SLC60A2: variants seen among roughly 807,000 people sequenced by gnomAD.
SLC60A2 encodes solute carrier family 60 member 2.
chr6:111,259,737 G>C, the SLC60A2 span: 1 of 1,581,508 alleles, frequency 6.3e-7, no homozygotes, highest in South Asian at 1.2e-5. Flanking sequence ...GGTGAGAGCC[G>C]GGGCTGCAAC....
At chr6:111,266,546 G>C in the SLC60A2 span, 2 of 1,614,104 alleles carry the variant, frequency 1.2e-6, no homozygotes, top group African/African-American at 2.7e-5. Flanking sequence ...CAACTTCAGT[G>C]TATGGGGCTT....
the SLC60A2 span, among the ~76,000 whole-genome samples, chr6:111,277,643 C>T: frequency 6.6e-6 from 1 of 152,122 alleles, no homozygotes; most frequent in African/African-American, 2.4e-5. Flanking sequence ...AGCGGAAGAG[C>T]CAGTAACTCT....
the SLC60A2 span, chr6:111,266,226 CGA>C: frequency 6.2e-7 from 1 of 1,613,988 alleles, no homozygotes; most frequent in Non-Finnish European, 8.5e-7. Context: ...TGAGACATTT[CGA>C]AGAGCAAAAT....
At chr6:111,266,193 C>G in the SLC60A2 span, 1 of 1,612,158 alleles carries the variant, frequency 6.2e-7, no homozygotes, top group Non-Finnish European at 8.5e-7. Context: ...TAGCTCAAAG[C>G]AAGAAAAAGC....
chr6:111,278,579 C>T, the SLC60A2 span: 4 of 152,082 alleles, frequency 2.6e-5, no homozygotes, highest in South Asian at 2.1e-4. Flanking sequence ...GGAAGTCTCA[C>T]GAGATCTTTT....
At chr6:111,267,240 T>C in the SLC60A2 span, 28 of 932,632 alleles carry the variant, frequency 3.0e-5, no homozygotes, top group Admixed American at 8.7e-5. Context: ...GTCCATATTA[T>C]AGCAAATGCT....
chr6:111,272,900 G>A, the SLC60A2 span, among the ~76,000 whole-genome samples: 3 of 144,094 alleles, frequency 2.1e-5, no homozygotes, highest in Non-Finnish European at 3.1e-5. Flanking sequence ...GCACAATTCC[G>A]GCTCACTGCA....
the SLC60A2 span, among the ~76,000 whole-genome samples, chr6:111,272,921 C>T: frequency 1.3e-5 from 2 of 151,756 alleles, no homozygotes; most frequent in Non-Finnish European, 2.9e-5. Flanking sequence ...ACCTCTGTCT[C>T]CTGGGTTCAA....
the SLC60A2 span, among the ~76,000 whole-genome samples, chr6:111,274,383 G>T: frequency 1.3e-5 from 2 of 152,170 alleles, no homozygotes; most frequent in Admixed American, 6.5e-5. Flanking sequence ...CAGTCCATAT[G>T]TGTGTTTACG....
At chr6:111,264,672 C>T in the SLC60A2 span, among the ~76,000 whole-genome samples, 3 of 151,242 alleles carry the variant, frequency 2.0e-5, no homozygotes, top group African/African-American at 7.3e-5. Flanking sequence ...CCTGTAGTCC[C>T]AATTACTCGG....
the SLC60A2 span, among the ~76,000 whole-genome samples, chr6:111,279,352 C>G: frequency 9.2e-4 from 140 of 151,968 alleles, 1 homozygote; most frequent in African/African-American, 3.3e-3. Context: ...AACTTCACCT[C>G]CCGGGTTCAC....
the SLC60A2 span, chr6:111,263,926 C>G: frequency 1.9e-6 from 3 of 1,594,204 alleles, no homozygotes; most frequent in East Asian, 2.2e-5. Context: ...TTCGGTGTTT[C>G]AATTGGCATT....
At chr6:111,275,086 CTT>C in the SLC60A2 span, among the ~76,000 whole-genome samples, 1 of 139,594 alleles carries the variant, frequency 7.2e-6, no homozygotes, top group Admixed American at 7.1e-5. Context: ...CCTTACCTGG[CTT>C]TTTTTTTTTT....
the SLC60A2 span, chr6:111,265,838 G>GT: frequency 6.5e-7 from 1 of 1,528,284 alleles, no homozygotes; most frequent in South Asian, 1.3e-5. Context: ...GTAAGTAACT[G>GT]TTTAACTTAA....
At chr6:111,273,858 T>A in the SLC60A2 span, among the ~76,000 whole-genome samples, 1 of 152,194 alleles carries the variant, frequency 6.6e-6, no homozygotes, top group African/African-American at 2.4e-5. Context: ...TTTGAGTAGT[T>A]GGAACTACAG....
At chr6:111,272,466 CCTA>C in the SLC60A2 span, among the ~76,000 whole-genome samples, 2 of 150,876 alleles carry the variant, frequency 1.3e-5, no homozygotes, top group African/African-American at 4.9e-5. Context: ...CTATAGTGAC[CCTA>C]CTGTGCTGTT....
chr6:111,259,954 A>G, the SLC60A2 span, among the ~76,000 whole-genome samples: 4 of 120,592 alleles, frequency 3.3e-5, 1 homozygote, highest in South Asian at 1.0e-3. Flanking sequence ...TCTGTTGCCC[A>G]GGCTGGAGTG....
chr6:111,263,789 C>A, the SLC60A2 span: 3 of 1,070,636 alleles, frequency 2.8e-6, no homozygotes, highest in Non-Finnish European at 4.3e-6. Flanking sequence ...TCCATGACTG[C>A]ATGGATATTA....
At chr6:111,266,026 A>T in the SLC60A2 span, 2 of 1,614,146 alleles carry the variant, frequency 1.2e-6, no homozygotes, top group African/African-American at 2.7e-5. Flanking sequence ...AACCACACAG[A>T]GTCTGACTTC....
Sources: allele counts gnomAD v4.1 joint callset (sites outside exome capture counted in the v4.1 genomes callset), GRCh38; gene constraint gnomAD v4.1.1; transcripts MANE v1.5; gene names NCBI Gene and HGNC (gene_info 2026-07-23, HGNC 2026-07-21).